FOXP1: variants seen among roughly 807,000 people sequenced by gnomAD.
FOXP1 encodes forkhead box protein P1.
In FOXP1, 15 loss-of-function variants were observed where a neutral mutation model predicts 98.2. That is an observed-to-expected ratio of 0.15 (90% CI 0.10 to 0.24). FOXP1 has a LOEUF of 0.24. FOXP1 is among the 10% of genes least tolerant of loss of function. The probability of loss-of-function intolerance (pLI) is 1.00; values close to 1 mark genes in which losing one functional copy is unlikely to be tolerated. For synonymous variants in FOXP1, 371 were observed against 314.5 expected (o/e 1.18, Z -1.90); for missense variants, 633 against 848.5 (o/e 0.75, Z 3.15).
At chr3:71,419,308 C>G (rs2108317869) in intron 3 of FOXP1, among the ~76,000 whole-genome samples, 1 of 141,028 alleles carries the variant, frequency 7.1e-6, no homozygotes, top group East Asian at 2.2e-4. Flanking sequence ...AGCATCTATT[C>G]AATCAGTTAT....
intron 6 of FOXP1, among the ~76,000 whole-genome samples, chr3:71,120,093 T>C (rs1329515951): frequency 6.6e-6 from 1 of 152,240 alleles, no homozygotes; most frequent in Non-Finnish European, 1.5e-5. Context: ...AGTCAGGTTA[T>C]TGGTGTCATA....
At chr3:71,346,831 G>A (rs2077395157) in intron 4 of FOXP1, among the ~76,000 whole-genome samples, 2 of 152,056 alleles carry the variant, frequency 1.3e-5, no homozygotes, top group African/African-American at 2.4e-5. Flanking sequence ...GGATCATGAG[G>A]TCAAGAGATA....
At chr3:71,483,156 G>A (rs1431666293) in intron 3 of FOXP1, among the ~76,000 whole-genome samples, 1 of 151,982 alleles carries the variant, frequency 6.6e-6, no homozygotes. Flanking sequence ...ACTTTTCAAA[G>A]TCTACTTTTC....
chr3:70,973,259 G>GCCCC (rs2036724192), intron 17 of FOXP1, among the ~76,000 whole-genome samples: 1 of 38,830 alleles, frequency 2.6e-5, no homozygotes. Context: ...GCCCCGCCCC[G>GCCCC]GTCAAGAGAT....
At chr3:71,212,067 C>T (rs970803190) in intron 5 of FOXP1, among the ~76,000 whole-genome samples, 2 of 152,106 alleles carry the variant, frequency 1.3e-5, no homozygotes, top group African/African-American at 4.8e-5. Flanking sequence ...CATGTTCTTT[C>T]TTTGTTAAAT....
At position 71,190,813 on chromosome 3, in the gene FOXP1, A is replaced by G. The variant is rs190753414; in HGVS notation, c.180+7389T>C. ...CATTTTCTTGTCGGCAGGGGAGGGGAGATAATGTGGCTCTATTTTTATGAA... is the reference window on the plus strand; with the variant it reads ...CATTTTCTTGTCGGCAGGGGAGGGGGGATAATGTGGCTCTATTTTTATGAA... On this transcript the variant is annotated intron_variant, in intron 6 of 20. Transcript: ENST00000649528. 6.6e-5 allele frequency among the ~76,000 whole-genome samples: 10 copies of G among 152,178 alleles called. No homozygotes were observed. The East Asian group carries it at 1.9e-3, about 29-fold the overall frequency.
chr3:71,145,573 A>C (rs1050957565), intron 6 of FOXP1, among the ~76,000 whole-genome samples: 10 of 152,150 alleles, frequency 6.6e-5, no homozygotes, highest in African/African-American at 2.2e-4. Flanking sequence ...AACAAAAAAA[A>C]CTGCCCAGCT....
intron 6 of FOXP1, among the ~76,000 whole-genome samples, chr3:71,156,853 C>G (rs1293600142): frequency 1.3e-5 from 2 of 152,154 alleles, no homozygotes; most frequent in African/African-American, 4.8e-5. Context: ...GGTGGGCCTC[C>G]TAGGCTGCTC....
At chr3:71,268,370 G>GA (rs2069950123) in intron 5 of FOXP1, among the ~76,000 whole-genome samples, 1 of 152,056 alleles carries the variant, frequency 6.6e-6, no homozygotes, top group Admixed American at 6.5e-5. Context: ...CTTGAGAACT[G>GA]ACAAATGTAT....
At chr3:71,078,979 A>G (rs1421183785) in intron 7 of FOXP1, among the ~76,000 whole-genome samples, 2 of 152,132 alleles carry the variant, frequency 1.3e-5, no homozygotes, top group South Asian at 2.1e-4. Context: ...CTCCTGCACT[A>G]TAACAACTCC....
intron 3 of FOXP1, among the ~76,000 whole-genome samples, chr3:71,426,364 G>A (rs952347710): frequency 1.3e-5 from 2 of 152,146 alleles, no homozygotes; most frequent in African/African-American, 4.8e-5. Context: ...GAAGGACCAT[G>A]GAAACGTATG....
At chr3:71,019,850 AC>A (rs781603954) in intron 11 of FOXP1, among the ~76,000 whole-genome samples, 237 of 127,176 alleles carry the variant, frequency 1.9e-3, no homozygotes, top group Non-Finnish European at 3.3e-3. Context: ...CCCAAAAAAA[AC>A]AAAACAAAAC....
intron 10 of FOXP1, among the ~76,000 whole-genome samples, chr3:71,046,370 G>T (rs1238922517): frequency 1.3e-5 from 2 of 152,002 alleles, no homozygotes; most frequent in East Asian, 3.9e-4. Context: ...GTTCTGATGA[G>T]TGTAGAACTA....
intron 2 of FOXP1, among the ~76,000 whole-genome samples, chr3:71,503,602 A>G (rs1043549707): frequency 6.6e-4 from 19 of 28,870 alleles, no homozygotes; most frequent in Non-Finnish European, 1.7e-3. Flanking sequence ...CTCTGTCTCG[A>G]AAAAAAAAAA....
intron 4 of FOXP1, among the ~76,000 whole-genome samples, chr3:71,337,633 T>A (rs1001069900): frequency 3.3e-5 from 5 of 152,188 alleles, no homozygotes; most frequent in Non-Finnish European, 7.3e-5. Context: ...AGAAGATTGA[T>A]CAATGATATG....
Position 71,041,194 on chromosome 3 carries a change from C to T in FOXP1, c.869+134G>A, listed in dbSNP as rs145314293. On this transcript the variant is annotated intron_variant, in intron 11 of 20. Coordinates refer to ENST00000649528, the MANE Select transcript of FOXP1 (RefSeq NM_001349338.3). ...CTTCACACCCAAACCATACTGAATACATTCCTCAGTAATTATATGCACATT... is the reference window on the plus strand; with the variant it reads ...CTTCACACCCAAACCATACTGAATATATTCCTCAGTAATTATATGCACATT... 1.5e-3 allele frequency: 1,139 copies of T among 762,786 alleles called. 13 individuals carry two copies. The African/African-American group carries it at 0.017, about 11-fold the overall frequency. The allele number at this position is 762,786 out of a possible 1,614,324, so 47.3% of individuals were successfully genotyped here.
intron 4 of FOXP1, among the ~76,000 whole-genome samples, chr3:71,331,911 T>G (rs2076342545): frequency 6.6e-6 from 1 of 152,140 alleles, no homozygotes; most frequent in African/African-American, 2.4e-5. Flanking sequence ...AGAACTTTTG[T>G]GTCTAGTTCA....
intron 4 of FOXP1, among the ~76,000 whole-genome samples, chr3:71,318,925 C>T (rs890421068): frequency 1.3e-5 from 2 of 152,086 alleles, no homozygotes; most frequent in Non-Finnish European, 2.9e-5. Context: ...GGTTACTGAG[C>T]GTAAAGATGT....
chr3:71,387,963 G>A (rs2080722887), intron 3 of FOXP1, among the ~76,000 whole-genome samples: 1 of 152,154 alleles, frequency 6.6e-6, no homozygotes, highest in African/African-American at 2.4e-5. Context: ...AAAAAGAAAA[G>A]TTCTGTCAAT....
Sources: allele counts gnomAD v4.1 joint callset (sites outside exome capture counted in the v4.1 genomes callset), GRCh38; gene constraint gnomAD v4.1.1; transcripts MANE v1.5; gene names NCBI Gene and HGNC (gene_info 2026-07-23, HGNC 2026-07-21).